Variants in AFM observed in about 807,000 individuals in gnomAD.
The protein encoded by AFM is alpha-Alb.
In AFM, 82 loss-of-function variants were observed where a neutral mutation model predicts 68.7. The observed-to-expected ratio is 1.19, with a 90% CI of 1.00 to 1.43. The LOEUF (loss-of-function observed/expected upper bound fraction) is 1.43. AFM is among the 40% of genes most tolerant of loss of function. The probability of loss-of-function intolerance (pLI) is 0.00; values close to 1 mark genes in which losing one functional copy is unlikely to be tolerated. For missense variants in AFM, 772 were observed against 701.8 expected (o/e 1.10, Z -1.13); for synonymous variants, 250 against 234.2 (o/e 1.07, Z -0.61).
intron 3 of AFM, 65 bp downstream of exon 3, chr4:73,484,455 T>TTTC: frequency 2.4e-6 from 1 of 425,110 alleles, no homozygotes; most frequent in Non-Finnish European, 4.1e-6. Flanking sequence ...TCTTTCTTTC[T>TTTC]TTCTTTCTTT....
At chr4:73,490,485 T>A (rs191841234) in intron 7 of AFM, among the ~76,000 whole-genome samples, 2 of 152,250 alleles carry the variant, frequency 1.3e-5, no homozygotes, top group Middle Eastern at 3.4e-3. Flanking sequence ...GTGACAATGA[T>A]CTCGGCTCAC....
Position 73,487,753 on chromosome 4 carries a change from A to G in AFM, c.645A>G (p.Ala215=). The change falls in exon 6 of 15, where the codon GCA becomes GCG. Residue 215 remains alanine, a synonymous_variant. Coordinates refer to ENST00000226355, the MANE Select transcript of AFM (RefSeq NM_001133.2). ...RAIPVTQYLK[A]FSSYQKHVCG... ...TACCTGTCACACAATATTTAAAAGCATTTTCTTCTTATCAAAAACATGTCT... is the reference window on the plus strand; with the variant it reads ...TACCTGTCACACAATATTTAAAAGCGTTTTCTTCTTATCAAAAACATGTCT... 6.2e-7 allele frequency: 1 copy of G among 1,613,038 alleles called. No homozygotes were observed. Among genetic ancestry groups the G allele is most frequent in the Non-Finnish European group, 8.5e-7 (1 of 1,179,260 alleles).
intron 8 of AFM, 107 bp from the exon 9 acceptor site, chr4:73,495,193 C>A: frequency 2.8e-6 from 3 of 1,055,662 alleles, no homozygotes; most frequent in Non-Finnish European, 3.9e-6. Context: ...AGAAAATTAG[C>A]TTTTGAAAGC....
intron 13 of AFM, 149 bp downstream of exon 13, chr4:73,502,068 T>C (rs1389522540): frequency 2.2e-6 from 2 of 889,952 alleles, no homozygotes; most frequent in African/African-American, 3.4e-5. Context: ...TATGTAGACA[T>C]CTCTGAAATA....
At position 73,499,214 on chromosome 4, in the gene AFM, C is replaced by T. The variant is rs1721347582; in HGVS notation, c.1390C>T (p.Leu464=). Reference sequence around the variant, plus strand: ...GACAGCTTTCACTACTTGCTGTACGCTAAGTGAAGAGTTTGCCTGTGTTGA... The same window carrying T: ...GACAGCTTTCACTACTTGCTGTACGTTAAGTGAAGAGTTTGCCTGTGTTGA... ...MVTAFTTCCT[L]SEEFACVDNL... is the part of the protein sequence containing the mutation. The change falls in exon 11 of 15, where the codon CTA becomes TTA. Residue 464 remains leucine, a synonymous_variant. Transcript: ENST00000226355. 6.2e-7 allele frequency: 1 copy of T among 1,611,400 alleles called. No individual in the cohort carries two copies. Among genetic ancestry groups the T allele is most frequent in the Non-Finnish European group, 8.5e-7 (1 of 1,178,704 alleles).
Position 73,495,313 on chromosome 4 carries a change from T to A in AFM, c.1072T>A (p.Tyr358Asn). The A allele has an allele frequency of 6.3e-7, 1 of 1,579,764 alleles. No individual in the cohort carries two copies. The highest frequency in any genetic ancestry group is 8.5e-7 in the Non-Finnish European group (1 of 1,170,246). ...DTFFAKFTFE[Y>N]SRRHPDLSIP... ...TACACATTGCAGGTTTACTTTTGAA[T>A]ACTCAAGGAGACATCCAGACCTGTC... Residue 358 changes from tyrosine (Y) to asparagine (N), a missense_variant, in exon 9 of 15, where the codon TAC becomes AAC. Coordinates refer to ENST00000226355, the MANE Select transcript of AFM (RefSeq NM_001133.2).
At position 73,503,951 on chromosome 4, in the gene AFM, C is replaced by G. The variant is rs992748946; in HGVS notation, c.*116C>G. 3.3e-5 allele frequency: 5 copies of G among 152,090 alleles called. No individual in the cohort carries two copies. Among genetic ancestry groups the G allele is most frequent in the African/African-American group, 1.2e-4 (5 of 41,432 alleles). 9.4% of individuals were successfully genotyped at this position (152,090 alleles called of 1,614,324 possible). A position where few individuals can be genotyped will look rare whatever the true frequency, so the allele number is the denominator to read the frequency against. On this transcript the variant is annotated 3_prime_UTR_variant, in exon 15 of 15. Coordinates refer to ENST00000226355, the MANE Select transcript of AFM (RefSeq NM_001133.2). ...TAAAAGGATTTTTCTGTAACTGTCA[C>G]CTGAAATAATACATTGCAGCAAGCA... is the stretch of plus-strand genomic sequence containing the variant.
chr4:73,485,612 G>GAGGAAT (rs1324846213), intron 3 of AFM, among the ~76,000 whole-genome samples: 1 of 146,462 alleles, frequency 6.8e-6, no homozygotes, highest in East Asian at 2.0e-4. Context: ...GGAAGAGGAA[G>GAGGAAT]AGGAAGAAGA....
rs369562317 is a variant in AFM at position 73,486,077 on chromosome 4, A to G, written c.482+4A>G. The stretch of plus-strand genomic sequence containing the variant: ...ACAGAGAATCCCTTTTAAATCAGTA[A>G]GTTTAATCTTAGTAAAAAATGATCC... On this transcript the variant is annotated splice_donor_region_variant and intron_variant, in intron 4 of 14. Coordinates refer to ENST00000226355, the MANE Select transcript of AFM (RefSeq NM_001133.2). 3.7e-6 allele frequency: 6 copies of G among 1,607,466 alleles called. No homozygotes were observed. The highest frequency in any genetic ancestry group is 1.3e-5 in the African/African-American group (1 of 74,664).
intron 7 of AFM, among the ~76,000 whole-genome samples, chr4:73,489,239 T>A (rs1721000397): frequency 6.6e-6 from 1 of 152,128 alleles, no homozygotes; most frequent in African/African-American, 2.4e-5. Context: ...CTCTTTTGGT[T>A]CCTTTTTCCT....
chr4:73,493,320 T>G (rs1721137278), intron 8 of AFM, among the ~76,000 whole-genome samples: 1 of 152,196 alleles, frequency 6.6e-6, no homozygotes, highest in Non-Finnish European at 1.5e-5. Context: ...AAATCCCAGT[T>G]TGGGGCTTGG....
chr4:73,503,586 C>T (rs1721474659), intron 14 of AFM, among the ~76,000 whole-genome samples: 1 of 152,028 alleles, frequency 6.6e-6, no homozygotes, highest in Non-Finnish European at 1.5e-5. Flanking sequence ...TTTACGTGAA[C>T]AAAAAGCGAT....
Position 73,503,094 on chromosome 4 carries a change from A to C in AFM, c.*24A>C, listed in dbSNP as rs747044965. The C allele has an allele frequency of 1.9e-6, 3 of 1,611,976 alleles. No individual in the cohort carries two copies. The highest frequency in any genetic ancestry group is 4.5e-5 in the East Asian group (2 of 44,866). ...GAAGCCAGCTGCTGGAGATATGTAA[A>C]GAAAAAAGCACCAAAGGTAATACCC... On this transcript the variant is annotated 3_prime_UTR_variant, in exon 14 of 15. Transcript: ENST00000226355.
At chr4:73,495,523 G>A in intron 9 of AFM, 91 bp downstream of exon 9, 3 of 1,507,572 alleles carry the variant, frequency 2.0e-6, no homozygotes, top group South Asian at 2.5e-5. Flanking sequence ...GCAGTCTGGG[G>A]GTAGAAAATG....
chr4:73,489,873 G>C (rs925879676), intron 7 of AFM, among the ~76,000 whole-genome samples: 2 of 152,198 alleles, frequency 1.3e-5, no homozygotes, highest in Admixed American at 1.3e-4. Context: ...TGCATGCGGG[G>C]CTTAAAACCT....
chr4:73,499,275 CTTT>C (rs67050083), intron 11 of AFM, 29 bp downstream of exon 11: 32,881 of 1,219,308 alleles, frequency 0.027, 295 homozygotes, highest in Middle Eastern at 0.066. Flanking sequence ...CCAGACTACT[CTTT>C]TTTTTTTTTT....
rs1324048619 is a variant in AFM at position 73,487,819 on chromosome 4, T to C, written c.711T>C (p.Phe237=). The change falls in exon 6 of 15, where the codon TTT becomes TTC. Residue 237 remains phenylalanine, a splice_region_variant and synonymous_variant. Transcript: ENST00000226355. The stretch of plus-strand genomic sequence containing the variant: ...AATTTGGAACCAAAGTTGTACACTT[T>C]ATGTGAGTTTTATACTATATGTCTT... ...LLKFGTKVVH[F]IYIAILSQKF... is the part of the protein sequence containing the mutation. 3.2e-6 allele frequency: 5 copies of C among 1,585,662 alleles called. No individual in the cohort carries two copies. The South Asian group carries it at 5.5e-5, about 18-fold the overall frequency.
rs765491382 is a variant in AFM, at chr4:73,491,905, G to T, written c.877G>T (p.Asp293Tyr). ...KVMNHICSKQDSISSKIKECC... is the reference protein window; with the variant it reads ...KVMNHICSKQYSISSKIKECC... ...TATGAACCATATTTGTTCAAAACAAGATTCTATCTCCAGCAAAATCAAAGA... is the reference window on the plus strand; with the variant it reads ...TATGAACCATATTTGTTCAAAACAATATTCTATCTCCAGCAAAATCAAAGA... Residue 293 changes from aspartate (D) to tyrosine (Y), a missense_variant, in exon 8 of 15, where the codon GAT (aspartate) becomes TAT (tyrosine). By Grantham distance (160) the Asp-to-Tyr change is radical. Transcript: ENST00000226355. The T allele has an allele frequency of 6.2e-7, 1 of 1,613,832 alleles. No homozygotes were observed. The highest frequency in any genetic ancestry group is 1.3e-5 in the African/African-American group (1 of 75,012).
Position 73,495,284 on chromosome 4 carries a change from A to G in AFM, c.1059-16A>G, listed in dbSNP as rs778625154. The G allele has an allele frequency of 3.2e-6, 5 of 1,565,118 alleles. No individual in the cohort carries two copies. The highest frequency in any genetic ancestry group is 2.6e-6 in the Non-Finnish European group (3 of 1,163,846). ...CTTTCTCTAATTTCTAATATACAAA[A>G]TTTTACACATTGCAGGTTTACTTTT... On this transcript the variant is annotated splice_polypyrimidine_tract_variant and intron_variant, in intron 8 of 14. Coordinates refer to ENST00000226355, the MANE Select transcript of AFM (RefSeq NM_001133.2).
Sources: allele counts gnomAD v4.1 joint callset (sites outside exome capture counted in the v4.1 genomes callset), GRCh38; gene constraint gnomAD v4.1.1; transcripts MANE v1.5; gene names NCBI Gene and HGNC (gene_info 2026-07-23, HGNC 2026-07-21).